The following SORCS3 variants were observed in gnomAD, a reference collection of about 807,000 sequenced individuals.
SORCS3 encodes VPS10 domain-containing receptor SorCS3.
A neutral mutation model predicts 146.3 loss-of-function variants in SORCS3; 57 were observed. The observed-to-expected ratio is 0.39, with a 90% CI of 0.31 to 0.49. The LOEUF (loss-of-function observed/expected upper bound fraction) is 0.49. SORCS3 is among the 20% of genes least tolerant of loss of function. SORCS3 has a pLI of 0.92. For missense variants in SORCS3, 1,341 were observed against 1,575.5 expected, an observed-to-expected ratio of 0.85 and a Z score of 2.52; for synonymous variants, 653 against 618.5, an observed-to-expected ratio of 1.06 and a Z score of -0.83.
At chr10:104,678,135 A>G (rs1424937813) in intron 1 of SORCS3, among the ~76,000 whole-genome samples, 6 of 147,202 alleles carry the variant, frequency 4.1e-5, no homozygotes, top group Admixed American at 2.8e-4. Context: ...ACCTGGGCAT[A>G]GACCCATTGA....
At chr10:104,924,370 G>A (rs548160174) in intron 3 of SORCS3, among the ~76,000 whole-genome samples, 4 of 152,312 alleles carry the variant, frequency 2.6e-5, no homozygotes, top group African/African-American at 9.6e-5. Flanking sequence ...CTGAGAATAA[G>A]GTGAGCACAA....
rs763918394 is a variant in SORCS3 at position 105,213,173 on chromosome 10, G to A, written c.2376-1269G>A. 2.6e-5 allele frequency among the ~76,000 whole-genome samples: 4 copies of A among 152,106 alleles called. No individual in the cohort carries two copies. In the East Asian group the frequency reaches 7.7e-4, roughly 29 times the overall value. On this transcript the variant is annotated intron_variant, in intron 17 of 26. Transcript: ENST00000369701. ...TATAAGCTCAGTTGACAAAAAAGATGTATATATGCAAGAAAATATATCATA... is the reference window on the plus strand; with the variant it reads ...TATAAGCTCAGTTGACAAAAAAGATATATATATGCAAGAAAATATATCATA...
chr10:104,994,854 G>A (rs1379140424), intron 4 of SORCS3, among the ~76,000 whole-genome samples: 5 of 152,194 alleles, frequency 3.3e-5, no homozygotes, highest in East Asian at 3.9e-4. Context: ...ACATGTTAAC[G>A]GGCATTTGGA....
chr10:105,053,811 A>G (rs1230313324), intron 5 of SORCS3, among the ~76,000 whole-genome samples: 2 of 152,042 alleles, frequency 1.3e-5, no homozygotes, highest in East Asian at 1.9e-4. Flanking sequence ...AAATTTTACT[A>G]TTAAAGTAAA....
intron 1 of SORCS3, among the ~76,000 whole-genome samples, chr10:104,719,385 T>C (rs1397995042): frequency 2.0e-5 from 3 of 152,210 alleles, no homozygotes; most frequent in Non-Finnish European, 4.4e-5. Flanking sequence ...GGTTTGTCAA[T>C]GTGATTGAAT....
At chr10:104,679,683 C>A (rs1220079596) in intron 1 of SORCS3, among the ~76,000 whole-genome samples, 1 of 152,196 alleles carries the variant, frequency 6.6e-6, no homozygotes, top group Non-Finnish European at 1.5e-5. Context: ...TCAGTCAAGA[C>A]CTTCTTCTCT....
At chr10:105,132,419 T>C (rs1205175457) in intron 7 of SORCS3, among the ~76,000 whole-genome samples, 3 of 152,176 alleles carry the variant, frequency 2.0e-5, no homozygotes, top group Non-Finnish European at 4.4e-5. Context: ...TCTTCTAAGA[T>C]TACCTATGTC....
intron 14 of SORCS3, among the ~76,000 whole-genome samples, chr10:105,196,314 C>T (rs527772057): frequency 8.5e-5 from 13 of 152,246 alleles, no homozygotes; most frequent in Admixed American, 7.2e-4. Context: ...TTAGAAAGTT[C>T]CCTCACAGGC....
At chr10:104,712,605 G>A (rs995163026) in intron 1 of SORCS3, among the ~76,000 whole-genome samples, 12 of 152,176 alleles carry the variant, frequency 7.9e-5, no homozygotes, top group African/African-American at 2.4e-4. Flanking sequence ...GCCTGGCAGC[G>A]TGTTCCTTGA....
At chr10:104,710,728 A>T (rs1452814057) in intron 1 of SORCS3, among the ~76,000 whole-genome samples, 1 of 144,944 alleles carries the variant, frequency 6.9e-6, no homozygotes, top group East Asian at 2.0e-4. Context: ...GTAGTTGTCC[A>T]TTCTTGTGGC....
At chr10:104,664,072 TG>T in intron 1 of SORCS3, among the ~76,000 whole-genome samples, 1 of 152,284 alleles carries the variant, frequency 6.6e-6, no homozygotes, top group Non-Finnish European at 1.5e-5. Context: ...GGAAGAGCTT[TG>T]CTGGTTGCTG....
At chr10:104,716,211 T>C (rs533038868) in intron 1 of SORCS3, among the ~76,000 whole-genome samples, 35 of 152,322 alleles carry the variant, frequency 2.3e-4, no homozygotes, top group African/African-American at 7.5e-4. Flanking sequence ...ATTTTATGTA[T>C]TGATTATCTT....
At chr10:105,248,563 A>T (rs1045678405) in intron 22 of SORCS3, among the ~76,000 whole-genome samples, 12 of 152,016 alleles carry the variant, frequency 7.9e-5, no homozygotes, top group Non-Finnish European at 2.9e-5. Context: ...AAAGTACAAA[A>T]ACTAGCTGGG....
At chr10:104,976,628 A>G (rs1460364878) in intron 3 of SORCS3, among the ~76,000 whole-genome samples, 1 of 152,334 alleles carries the variant, frequency 6.6e-6, no homozygotes, top group African/African-American at 2.4e-5. Context: ...TTATTGCAGC[A>G]CTATTCACAA....
chr10:105,239,864 T>C (rs1025778436), intron 20 of SORCS3, among the ~76,000 whole-genome samples: 1 of 152,216 alleles, frequency 6.6e-6, no homozygotes, highest in Admixed American at 6.5e-5. Context: ...TCAAGAATCC[T>C]GTTGAGTGTT....
intron 7 of SORCS3, among the ~76,000 whole-genome samples, chr10:105,114,536 G>A (rs1281927441): frequency 6.6e-6 from 1 of 152,094 alleles, no homozygotes; most frequent in African/African-American, 2.4e-5. Context: ...TGGTTTTTAG[G>A]AACTGAGCAC....
chr10:105,122,625 G>T (rs1036502013), intron 7 of SORCS3, among the ~76,000 whole-genome samples: 2 of 152,216 alleles, frequency 1.3e-5, no homozygotes, highest in African/African-American at 2.4e-5. Flanking sequence ...CGGAGAACGT[G>T]TCAGTCCTCA....
intron 1 of SORCS3, among the ~76,000 whole-genome samples, chr10:104,645,913 C>G (rs1364886511): frequency 6.6e-6 from 1 of 152,178 alleles, no homozygotes; most frequent in Non-Finnish European, 1.5e-5. Flanking sequence ...TTGTCTTCAT[C>G]CTCCCTGCTC....
intron 3 of SORCS3, among the ~76,000 whole-genome samples, chr10:104,941,589 T>G (rs1230475231): frequency 6.6e-6 from 1 of 152,180 alleles, no homozygotes; most frequent in Non-Finnish European, 1.5e-5. Context: ...TTAGAGTTTC[T>G]GCCACTCAGC....
Sources: gnomAD v4.1 joint callset for allele counts (sites outside exome capture counted in the v4.1 genomes callset) on GRCh38, gnomAD v4.1.1 for gene constraint, MANE v1.5 for transcripts, NCBI Gene and HGNC (gene_info 2026-07-23, HGNC 2026-07-21) for gene names.